The following L3MBTL4 variants were observed in gnomAD, a reference collection of about 807,000 sequenced individuals.
The protein encoded by L3MBTL4 is L3MBTL histone methyl-lysine binding protein 4, also known as lethal(3)malignant brain tumor-like protein 4.
A neutral mutation model predicts 84.5 loss-of-function variants in L3MBTL4; 70 were observed. The observed-to-expected ratio is 0.83, with a 90% CI of 0.68 to 1.01. L3MBTL4 has a LOEUF of 1.01. Among genes scored for constraint, L3MBTL4 ranks in the 50% least tolerant of loss-of-function variants. The probability of loss-of-function intolerance (pLI) is 0.00; values close to 1 mark genes in which losing one functional copy is unlikely to be tolerated. For missense variants in L3MBTL4, 715 were observed against 754.8 expected (o/e 0.95, Z 0.62); for synonymous variants, 274 against 259.8 (o/e 1.05, Z -0.52).
chr18:6,189,914 AAC>A (rs2044986823), intron 12 of L3MBTL4, among the ~76,000 whole-genome samples: 1 of 152,226 alleles, frequency 6.6e-6, no homozygotes, highest in Non-Finnish European at 1.5e-5. Flanking sequence ...ACAGATATGC[AAC>A]GATTATCCCA....
chr18:6,112,792 G>T (rs950907615), intron 14 of L3MBTL4, among the ~76,000 whole-genome samples: 1 of 152,180 alleles, frequency 6.6e-6, no homozygotes, highest in Non-Finnish European at 1.5e-5. Context: ...TATAAAAAAA[G>T]AAATTGGCTT....
intron 14 of L3MBTL4, among the ~76,000 whole-genome samples, chr18:6,099,162 T>C (rs1239900698): frequency 2.6e-5 from 4 of 152,128 alleles, no homozygotes; most frequent in African/African-American, 9.7e-5. Flanking sequence ...CACACGCTGT[T>C]TCCCTCCCTG....
At chr18:6,300,075 G>T (rs941594148) in intron 4 of L3MBTL4, among the ~76,000 whole-genome samples, 15 of 152,148 alleles carry the variant, frequency 9.9e-5, no homozygotes, top group African/African-American at 3.6e-4. Flanking sequence ...CTATTTCTAA[G>T]ACATGAGGTA....
At chr18:6,392,971 T>C (rs1157991089) in intron 1 of L3MBTL4, among the ~76,000 whole-genome samples, 1 of 152,072 alleles carries the variant, frequency 6.6e-6, no homozygotes, top group Non-Finnish European at 1.5e-5. Context: ...ACATATCAGA[T>C]ACAATGTATA....
intron 16 of L3MBTL4, among the ~76,000 whole-genome samples, chr18:6,056,968 G>A (rs976460043): frequency 2.6e-5 from 4 of 152,078 alleles, no homozygotes; most frequent in Non-Finnish European, 5.9e-5. Context: ...TACTATCATA[G>A]TGAACATATT....
intron 16 of L3MBTL4, among the ~76,000 whole-genome samples, chr18:6,035,621 T>G (rs11081226): frequency 0.34 from 51,686 of 151,798 alleles, 8,999 homozygotes; most frequent in East Asian, 0.51. Context: ...AGGATTGACT[T>G]GGTGATGCAG....
chr18:6,204,515 CAT>C (rs1314648578), intron 12 of L3MBTL4, among the ~76,000 whole-genome samples: 1 of 152,138 alleles, frequency 6.6e-6, no homozygotes, highest in Non-Finnish European at 1.5e-5. Context: ...AAGAAAAAAA[CAT>C]ATATGTGCAT....
At chr18:6,074,588 T>C (rs1453548716) in intron 16 of L3MBTL4, among the ~76,000 whole-genome samples, 2 of 152,220 alleles carry the variant, frequency 1.3e-5, no homozygotes, top group Non-Finnish European at 2.9e-5. Context: ...GTGCAATCAA[T>C]CACTCGCAGT....
intron 12 of L3MBTL4, among the ~76,000 whole-genome samples, chr18:6,201,030 G>C (rs1296686299): frequency 2.0e-5 from 3 of 152,172 alleles, no homozygotes; most frequent in Non-Finnish European, 2.9e-5. Flanking sequence ...GAGTACCCAT[G>C]AAATGCCAGG....
intron 16 of L3MBTL4, among the ~76,000 whole-genome samples, chr18:6,003,979 A>G (rs1852422813): frequency 6.6e-6 from 1 of 152,212 alleles, no homozygotes; most frequent in African/African-American, 2.4e-5. Context: ...AGAAAAAGAA[A>G]AACAAATTAA....
chr18:6,355,640 G>C (rs1470984522), intron 1 of L3MBTL4, among the ~76,000 whole-genome samples: 1 of 151,954 alleles, frequency 6.6e-6, no homozygotes, highest in East Asian at 1.9e-4. Context: ...ATTATCATTT[G>C]ATTACATTTA....
At chr18:6,107,719 G>T (rs1568131492) in intron 14 of L3MBTL4, among the ~76,000 whole-genome samples, 2 of 151,964 alleles carry the variant, frequency 1.3e-5, no homozygotes, top group South Asian at 4.1e-4. Context: ...GATTCATTCT[G>T]CAGGTGAGCA....
At chr18:6,120,610 C>T (rs1192665290) in intron 14 of L3MBTL4, among the ~76,000 whole-genome samples, 3 of 152,194 alleles carry the variant, frequency 2.0e-5, no homozygotes, top group Admixed American at 2.0e-4. Flanking sequence ...AACCCAGAGG[C>T]CCCTCCATTC....
At chr18:6,072,468 C>T (rs528061707) in intron 16 of L3MBTL4, among the ~76,000 whole-genome samples, 111 of 152,038 alleles carry the variant, frequency 7.3e-4, no homozygotes, top group African/African-American at 2.6e-3. Flanking sequence ...ATTATGAAAT[C>T]TGACAAATCA....
chr18:6,099,989 T>G (rs117887465), intron 14 of L3MBTL4, among the ~76,000 whole-genome samples: 1,630 of 152,204 alleles, frequency 0.011, 14 homozygotes, highest in Non-Finnish European at 0.017. Context: ...TGTGGCCACT[T>G]AGGAAGCTGG....
chr18:5,995,093 T>C (rs1024738524), intron 16 of L3MBTL4, among the ~76,000 whole-genome samples: 1 of 152,276 alleles, frequency 6.6e-6, no homozygotes, highest in Non-Finnish European at 1.5e-5. Flanking sequence ...GACACACTCA[T>C]AGCGCCAGCT....
At chr18:6,231,637 C>A (rs2047003725) in intron 10 of L3MBTL4, among the ~76,000 whole-genome samples, 1 of 151,986 alleles carries the variant, frequency 6.6e-6, no homozygotes, top group African/African-American at 2.4e-5. Flanking sequence ...TGGTTAATTC[C>A]TAAGTATTTT....
intron 16 of L3MBTL4, among the ~76,000 whole-genome samples, chr18:6,043,627 A>G (rs899799372): frequency 3.9e-5 from 6 of 152,194 alleles, no homozygotes; most frequent in Non-Finnish European, 8.8e-5. Context: ...ATGTCTTTCA[A>G]TACGGTCAAT....
At chr18:6,302,120 G>A (rs1182866513) in intron 3 of L3MBTL4, among the ~76,000 whole-genome samples, 163 bp from the exon 4 acceptor site, 4 of 152,088 alleles carry the variant, frequency 2.6e-5, no homozygotes, top group East Asian at 3.9e-4. Flanking sequence ...CCCAGGAGGG[G>A]TACACATGAT....
Sources: gnomAD v4.1 joint callset for allele counts (sites outside exome capture counted in the v4.1 genomes callset) on GRCh38, gnomAD v4.1.1 for gene constraint, MANE v1.5 for transcripts, NCBI Gene and HGNC (gene_info 2026-07-23, HGNC 2026-07-21) for gene names.